The following ARK2C variants were observed in gnomAD, a reference collection of about 807,000 sequenced individuals.
ARK2C encodes the protein arkadia (RNF111) C-terminal like ring finger ubiquitin ligase 2C, also known as E3 ubiquitin-protein ligase ARK2C.
At chr18:46,406,165 T>C in the ARK2C span, among the ~76,000 whole-genome samples, 2 of 152,266 alleles carry the variant, frequency 1.3e-5, no homozygotes, top group South Asian at 2.1e-4. Context: ...ACTCACCCCA[T>C]GTGCACCCCC....
chr18:46,361,639 A>G, the ARK2C span, among the ~76,000 whole-genome samples: 1 of 152,204 alleles, frequency 6.6e-6, no homozygotes, highest in East Asian at 1.9e-4. Context: ...TTCAATATAC[A>G]TGATTATGGC....
the ARK2C span, among the ~76,000 whole-genome samples, chr18:46,410,131 C>T: frequency 9.2e-5 from 14 of 152,154 alleles, no homozygotes; most frequent in Admixed American, 9.2e-4. Context: ...GCGATCAATA[C>T]ATCTTCCACT....
the ARK2C span, among the ~76,000 whole-genome samples, chr18:46,389,777 G>T: frequency 1.3e-5 from 2 of 151,650 alleles, no homozygotes; most frequent in Admixed American, 1.3e-4. Context: ...CACCCAGGCT[G>T]CAGTGCAGTG....
At chr18:46,435,541 A>G in the ARK2C span, 1 of 663,766 alleles carries the variant, frequency 1.5e-6, no homozygotes, top group Admixed American at 2.4e-5. Flanking sequence ...CTCTGCTCCC[A>G]GCCACCCTCT....
At chr18:46,424,955 G>T in the ARK2C span, among the ~76,000 whole-genome samples, 3 of 152,208 alleles carry the variant, frequency 2.0e-5, no homozygotes, top group Non-Finnish European at 4.4e-5. Flanking sequence ...AGGAGCCAGC[G>T]CTGAACCCCG....
the ARK2C span, among the ~76,000 whole-genome samples, chr18:46,362,115 C>T: frequency 6.6e-6 from 1 of 152,214 alleles, no homozygotes; most frequent in South Asian, 2.1e-4. Flanking sequence ...AATGGGGTGC[C>T]CAAGCTCTGG....
the ARK2C span, among the ~76,000 whole-genome samples, chr18:46,394,310 C>CT: frequency 7.9e-5 from 12 of 152,238 alleles, no homozygotes; most frequent in Admixed American, 1.3e-4. Flanking sequence ...TCCCAGCTCA[C>CT]TGGTCATATC....
At chr18:46,456,633 C>T in the ARK2C span, 1 of 1,608,158 alleles carries the variant, frequency 6.2e-7, no homozygotes, top group South Asian at 1.1e-5. Flanking sequence ...GAGCCGACAG[C>T]TGAGGGAGGA....
At chr18:46,425,106 T>A in the ARK2C span, among the ~76,000 whole-genome samples, 1 of 152,158 alleles carries the variant, frequency 6.6e-6, no homozygotes, top group Non-Finnish European at 1.5e-5. Context: ...CAGTGTCCCC[T>A]CCCTGTTCTG....
At chr18:46,379,323 C>A in the ARK2C span, among the ~76,000 whole-genome samples, 1 of 152,354 alleles carries the variant, frequency 6.6e-6, no homozygotes, top group Non-Finnish European at 1.5e-5. Flanking sequence ...TCTCCTTAAA[C>A]TTAACTTGAA....
chr18:46,427,654 A>T, the ARK2C span, among the ~76,000 whole-genome samples: 1 of 152,234 alleles, frequency 6.6e-6, no homozygotes, highest in South Asian at 2.1e-4. Context: ...AGCCCCTTCG[A>T]GCCACGGAGC....
the ARK2C span, among the ~76,000 whole-genome samples, chr18:46,388,745 C>T: frequency 6.6e-6 from 1 of 152,070 alleles, no homozygotes; most frequent in Non-Finnish European, 1.5e-5. Flanking sequence ...AGAAGGTGGG[C>T]TCAGGATAAA....
At chr18:46,345,471 C>T in the ARK2C span, among the ~76,000 whole-genome samples, 1 of 152,188 alleles carries the variant, frequency 6.6e-6, no homozygotes, top group African/African-American at 2.4e-5. Context: ...CAGGTTCCCG[C>T]CTTCTCAGCT....
At chr18:46,387,586 G>A in the ARK2C span, among the ~76,000 whole-genome samples, 1 of 152,254 alleles carries the variant, frequency 6.6e-6, no homozygotes, top group Non-Finnish European at 1.5e-5. Context: ...TAGCTCTGGA[G>A]GGCATGAAGC....
the ARK2C span, among the ~76,000 whole-genome samples, chr18:46,369,820 C>T: frequency 1.3e-5 from 2 of 152,316 alleles, no homozygotes; most frequent in South Asian, 4.1e-4. Context: ...ATTGAGAGAG[C>T]CATTGCTTGC....
the ARK2C span, among the ~76,000 whole-genome samples, chr18:46,425,343 T>G: frequency 6.6e-6 from 1 of 152,246 alleles, no homozygotes; most frequent in Non-Finnish European, 1.5e-5. Context: ...TGGGCAGACC[T>G]GTGCTTGAAT....
At chr18:46,389,551 G>T in the ARK2C span, among the ~76,000 whole-genome samples, 1 of 152,138 alleles carries the variant, frequency 6.6e-6, no homozygotes, top group East Asian at 1.9e-4. Context: ...AGAGTTTGCT[G>T]TTGTCAGGGG....
At chr18:46,438,010 T>C in the ARK2C span, among the ~76,000 whole-genome samples, 1 of 152,190 alleles carries the variant, frequency 6.6e-6, no homozygotes, top group African/African-American at 2.4e-5. Flanking sequence ...CTGGCACTCG[T>C]AGGGCCAGAT....
chr18:46,347,764 T>C, the ARK2C span, among the ~76,000 whole-genome samples: 1 of 151,760 alleles, frequency 6.6e-6, no homozygotes, highest in Admixed American at 6.6e-5. Flanking sequence ...ATAAGGGAAA[T>C]AAAAGGAAGG....
Sources: gnomAD v4.1 joint callset for allele counts (sites outside exome capture counted in the v4.1 genomes callset) on GRCh38, gnomAD v4.1.1 for gene constraint, MANE v1.5 for transcripts, NCBI Gene and HGNC (gene_info 2026-07-23, HGNC 2026-07-21) for gene names.